Variants in LYPD6 observed in about 807,000 individuals in gnomAD.
The protein encoded by LYPD6 is LY6/PLAUR domain containing 6.
A neutral mutation model predicts 22.7 loss-of-function variants in LYPD6; 15 were observed. That is an observed-to-expected ratio of 0.66 (90% CI 0.44 to 1.02). The LOEUF is 1.02. LYPD6 is among the 50% of genes least tolerant of loss of function. The pLI, the probability that LYPD6 is intolerant of heterozygous loss-of-function variation, is 0.00. For missense variants in LYPD6, 189 were observed against 208.4 expected, an observed-to-expected ratio of 0.91 and a Z score of 0.57; for synonymous variants, 72 against 77.5, an observed-to-expected ratio of 0.93 and a Z score of 0.37.
chr2:149,470,463 A>G (rs745352099), intron 4 of LYPD6, among the ~76,000 whole-genome samples: 1 of 152,156 alleles, frequency 6.6e-6, no homozygotes, highest in African/African-American at 2.4e-5. Context: ...AACAAAACCT[A>G]GCTCTCTTGA....
chr2:149,384,950 A>G (rs930714107), intron 1 of LYPD6, among the ~76,000 whole-genome samples: 21 of 133,792 alleles, frequency 1.6e-4, no homozygotes, highest in Middle Eastern at 0.011. Flanking sequence ...TCATTGTTCA[A>G]TTCCCACCTG....
intron 1 of LYPD6, among the ~76,000 whole-genome samples, chr2:149,373,306 A>G (rs72863916): frequency 0.013 from 1,952 of 152,334 alleles, 25 homozygotes; most frequent in South Asian, 0.033. Context: ...GTAATTAAGT[A>G]GATGAGTCTG....
intron 1 of LYPD6, among the ~76,000 whole-genome samples, chr2:149,408,770 A>G (rs1438196836): frequency 6.6e-6 from 1 of 151,888 alleles, no homozygotes; most frequent in Non-Finnish European, 1.5e-5. Context: ...ATTGTTTTTT[A>G]TTTATGCTCT....
chr2:149,436,773 G>C (rs1683440067), intron 1 of LYPD6, among the ~76,000 whole-genome samples: 2 of 152,166 alleles, frequency 1.3e-5, no homozygotes, highest in Admixed American at 6.5e-5. Context: ...AGTAGAGACA[G>C]GGTTTCACTG....
At chr2:149,375,980 T>C (rs935195521) in intron 1 of LYPD6, among the ~76,000 whole-genome samples, 3 of 152,200 alleles carry the variant, frequency 2.0e-5, no homozygotes, top group African/African-American at 7.2e-5. Flanking sequence ...ATAAGCCAAG[T>C]GTTATTTTAG....
At chr2:149,348,061 CAAAAAAAAAAAAA>C (rs58228847) in intron 1 of LYPD6, among the ~76,000 whole-genome samples, 1 of 76,718 alleles carries the variant, frequency 1.3e-5, no homozygotes, top group African/African-American at 4.2e-5. Flanking sequence ...ACTAAAAATA[CAAAAAAAAAAAAA>C]AAAAAAAAAA....
At chr2:149,350,227 A>G (rs985240261) in intron 1 of LYPD6, among the ~76,000 whole-genome samples, 4 of 152,218 alleles carry the variant, frequency 2.6e-5, no homozygotes, top group East Asian at 1.9e-4. Context: ...CCTAGAATCT[A>G]TGTAAGAATC....
intron 1 of LYPD6, among the ~76,000 whole-genome samples, chr2:149,363,220 T>A (rs1017933340): frequency 2.6e-5 from 4 of 152,170 alleles, no homozygotes; most frequent in African/African-American, 9.7e-5. Context: ...CCTTGACTAA[T>A]CAAGAGAATT....
At chr2:149,450,201 C>A (rs944647511) in intron 3 of LYPD6, among the ~76,000 whole-genome samples, 1 of 152,196 alleles carries the variant, frequency 6.6e-6, no homozygotes, top group African/African-American at 2.4e-5. Context: ...GCTTCAGCAG[C>A]AGCATCATTC....
intron 2 of LYPD6, among the ~76,000 whole-genome samples, chr2:149,441,942 G>C (rs1398013840): frequency 6.6e-6 from 1 of 152,098 alleles, no homozygotes; most frequent in Non-Finnish European, 1.5e-5. Context: ...GTATTCCTGT[G>C]GGGGCTTGTT....
intron 1 of LYPD6, among the ~76,000 whole-genome samples, chr2:149,341,168 G>A (rs1559118095): frequency 6.6e-6 from 1 of 152,056 alleles, no homozygotes; most frequent in African/African-American, 2.4e-5. Flanking sequence ...TCAGATTCCC[G>A]ATCTGAATTA....
chr2:149,462,679 A>G (rs1481430549), intron 3 of LYPD6, among the ~76,000 whole-genome samples: 1 of 152,062 alleles, frequency 6.6e-6, no homozygotes, highest in Non-Finnish European at 1.5e-5. Flanking sequence ...ATACAGCTGT[A>G]GTAATCAAGA....
intron 1 of LYPD6, among the ~76,000 whole-genome samples, chr2:149,361,922 C>T (rs1433293797): frequency 6.6e-6 from 1 of 152,006 alleles, no homozygotes; most frequent in East Asian, 1.9e-4. Context: ...ATGAGAGAAG[C>T]AGGCATAGAG....
At chr2:149,428,514 G>C (rs1683234326) in intron 1 of LYPD6, among the ~76,000 whole-genome samples, 3 of 152,164 alleles carry the variant, frequency 2.0e-5, no homozygotes. Context: ...ACATGTTTCT[G>C]CGTGTCACAC....
chr2:149,483,227 C>T, the LYPD6 span, among the ~76,000 whole-genome samples: 4 of 152,142 alleles, frequency 2.6e-5, no homozygotes, highest in Admixed American at 6.5e-5. Flanking sequence ...GCCTGCTCCA[C>T]GATAAGAAAA....
chr2:149,404,596 T>G (rs1252418304), intron 1 of LYPD6, among the ~76,000 whole-genome samples: 1 of 152,206 alleles, frequency 6.6e-6, no homozygotes, highest in Non-Finnish European at 1.5e-5. Flanking sequence ...ATCCTGAGAC[T>G]TTGCTGAAGT....
intron 1 of LYPD6, among the ~76,000 whole-genome samples, chr2:149,408,380 G>A (rs1682774723): frequency 6.6e-6 from 1 of 152,210 alleles, no homozygotes; most frequent in Admixed American, 6.5e-5. Context: ...TGAGGACTAT[G>A]TGCTTAGGCA....
At chr2:149,420,350 C>T (rs1389564017) in intron 1 of LYPD6, among the ~76,000 whole-genome samples, 2 of 152,318 alleles carry the variant, frequency 1.3e-5, no homozygotes, top group Non-Finnish European at 2.9e-5. Context: ...TTGCTCCATG[C>T]TGCCTCTGAA....
chr2:149,356,002 A>G (rs1681441365), intron 1 of LYPD6, among the ~76,000 whole-genome samples: 1 of 152,128 alleles, frequency 6.6e-6, no homozygotes, highest in African/African-American at 2.4e-5. Context: ...TGTAAAATAA[A>G]TTGAAAGAAG....
Sources: allele counts gnomAD v4.1 joint callset (sites outside exome capture counted in the v4.1 genomes callset), GRCh38; gene constraint gnomAD v4.1.1; transcripts MANE v1.5; gene names NCBI Gene and HGNC (gene_info 2026-07-23, HGNC 2026-07-21).